Variants in GATAD2B observed in about 807,000 individuals in gnomAD.
GATAD2B encodes the protein transcriptional repressor p66-beta.
Under a neutral mutation model 64.3 loss-of-function variants are expected in GATAD2B, and 8 were observed. The ratio of observed to expected loss-of-function variants is 0.12; its 90% CI spans 0.07 to 0.22. The LOEUF is 0.22. GATAD2B is among the 10% of genes least tolerant of loss of function. The probability of loss-of-function intolerance (pLI) is 1.00; values close to 1 mark genes in which losing one functional copy is unlikely to be tolerated. For synonymous variants in GATAD2B, 281 were observed against 271.3 expected (o/e 1.04, Z -0.35); for missense variants, 453 against 752.0 (o/e 0.60, Z 4.65).
chr1:153,843,603 A>G (rs1225018942), intron 1 of GATAD2B, among the ~76,000 whole-genome samples: 2 of 152,114 alleles, frequency 1.3e-5, no homozygotes, highest in Non-Finnish European at 2.9e-5. Context: ...AAATTTGTCC[A>G]AGTAACTGCA....
chr1:153,851,326 T>G (rs1169281334), intron 1 of GATAD2B, among the ~76,000 whole-genome samples: 1 of 152,236 alleles, frequency 6.6e-6, no homozygotes, highest in Non-Finnish European at 1.5e-5. Flanking sequence ...CTAGACCATC[T>G]GGTAGTTCTA....
chr1:153,909,559 T>C (rs956400429), intron 1 of GATAD2B, among the ~76,000 whole-genome samples: 2 of 151,728 alleles, frequency 1.3e-5, no homozygotes, highest in African/African-American at 4.8e-5. Flanking sequence ...CACAGCACTT[T>C]GGGAAGCCAC....
intron 2 of GATAD2B, among the ~76,000 whole-genome samples, chr1:153,822,824 G>GT (rs560620593): frequency 6.6e-5 from 10 of 152,036 alleles, no homozygotes; most frequent in African/African-American, 2.4e-4. Context: ...TTTTTCTTTT[G>GT]TTTTTTGAGA....
At chr1:153,884,614 CA>C (rs1231730019) in intron 1 of GATAD2B, among the ~76,000 whole-genome samples, 1 of 151,796 alleles carries the variant, frequency 6.6e-6, no homozygotes, top group Non-Finnish European at 1.5e-5. Context: ...AAAACAAAAA[CA>C]AAAAAACTTC....
At chr1:153,829,972 T>A (rs1301786099) in intron 1 of GATAD2B, among the ~76,000 whole-genome samples, 1 of 151,794 alleles carries the variant, frequency 6.6e-6, no homozygotes, top group Non-Finnish European at 1.5e-5. Context: ...GGAGCTTTCA[T>A]GTAGTCCCAG....
chr1:153,887,522 C>T (rs1677220913), intron 1 of GATAD2B, among the ~76,000 whole-genome samples: 1 of 152,164 alleles, frequency 6.6e-6, no homozygotes, highest in Non-Finnish European at 1.5e-5. Context: ...TAGTTCTTAA[C>T]ACAGACACAA....
intron 1 of GATAD2B, among the ~76,000 whole-genome samples, chr1:153,839,776 CCTGA>C (rs766245576): frequency 1.8e-4 from 28 of 152,120 alleles, no homozygotes; most frequent in African/African-American, 6.0e-4. Flanking sequence ...TTGAAACCAG[CCTGA>C]CTAACATGGT....
intron 1 of GATAD2B, among the ~76,000 whole-genome samples, chr1:153,869,862 C>T (rs1676603329): frequency 6.6e-6 from 1 of 152,254 alleles, no homozygotes; most frequent in South Asian, 2.1e-4. Context: ...TGTGGTGACT[C>T]ACACCTATAA....
intron 1 of GATAD2B, among the ~76,000 whole-genome samples, chr1:153,840,466 T>C (rs955689422): frequency 6.6e-6 from 1 of 151,914 alleles, no homozygotes; most frequent in African/African-American, 2.4e-5. Flanking sequence ...GCCTCCCGAG[T>C]AGCTAGGATT....
intron 2 of GATAD2B, among the ~76,000 whole-genome samples, chr1:153,820,732 C>T (rs752350071): frequency 7.9e-5 from 12 of 151,898 alleles, no homozygotes; most frequent in Non-Finnish European, 1.3e-4. Context: ...TGAGCTCAAG[C>T]GATCCTCCCA....
intron 10 of GATAD2B, among the ~76,000 whole-genome samples, chr1:153,810,582 G>A (rs1557777522): frequency 6.6e-6 from 1 of 152,016 alleles, no homozygotes; most frequent in Non-Finnish European, 1.5e-5. Flanking sequence ...AGCCTCCAGA[G>A]TAGCTGGAAT....
chr1:153,876,489 TGAAA>T (rs1485077687), intron 1 of GATAD2B, among the ~76,000 whole-genome samples: 1 of 152,122 alleles, frequency 6.6e-6, no homozygotes, highest in Non-Finnish European at 1.5e-5. Flanking sequence ...CTCACATTCT[TGAAA>T]GAAAGAGCCT....
rs556364938 is a variant in GATAD2B at position 153,866,861 on chromosome 1, A to T, written c.-1-38513T>A. On this transcript the variant is annotated intron_variant, in intron 1 of 10. Coordinates refer to ENST00000368655, the MANE Select transcript of GATAD2B (RefSeq NM_020699.4). The stretch of plus-strand genomic sequence containing the variant: ...CAGTGGCACAATCTCAGCCACTGCA[A>T]TCTCCGCCTCCCGGGTTCAATAGAT... 3.3e-5 allele frequency among the ~76,000 whole-genome samples: 5 copies of T among 152,244 alleles called. No homozygotes were observed. The South Asian group carries it at 1.0e-3, about 32-fold the overall frequency.
At chr1:153,909,840 T>C (rs899673433) in intron 1 of GATAD2B, among the ~76,000 whole-genome samples, 133 of 149,266 alleles carry the variant, frequency 8.9e-4, no homozygotes, top group Non-Finnish European at 1.6e-3. Context: ...CCCAGTTACT[T>C]GGGAGGCTGA....
intron 1 of GATAD2B, among the ~76,000 whole-genome samples, chr1:153,875,245 A>G (rs1009316617): frequency 6.6e-6 from 1 of 152,084 alleles, no homozygotes; most frequent in Non-Finnish European, 1.5e-5. Flanking sequence ...TCTAGGAAAA[A>G]AAGACTCTTG....
intron 1 of GATAD2B, among the ~76,000 whole-genome samples, chr1:153,856,658 C>T (rs913635557): frequency 5.3e-5 from 8 of 151,884 alleles, no homozygotes; most frequent in African/African-American, 1.9e-4. Context: ...ACCTGTAATC[C>T]CAGCACTTTG....
rs1303380139 is a variant in GATAD2B at position 153,818,649 on chromosome 1, A to C, written c.597+142T>G. 4.3e-6 allele frequency: 3 copies of C among 705,510 alleles called. No individual in the cohort carries two copies. The Admixed American group carries it at 8.3e-5, about 20-fold the overall frequency. 43.7% of individuals were successfully genotyped at this position (705,510 alleles called of 1,614,324 possible). A position where few individuals can be genotyped will look rare whatever the true frequency, so the allele number is the denominator to read the frequency against. On this transcript the variant is annotated intron_variant, in intron 4 of 10. Transcript: ENST00000368655. ...GTTTTCTTAAGGCCTAAGATTAAAA[A>C]AAAAATCACTACTACTACAGACTAA...
intron 1 of GATAD2B, among the ~76,000 whole-genome samples, chr1:153,883,080 AAT>A (rs1190329450): frequency 2.0e-5 from 3 of 152,138 alleles, no homozygotes; most frequent in Non-Finnish European, 2.9e-5. Flanking sequence ...ATCTCCCATG[AAT>A]ATGTCATTCC....
At chr1:153,863,929 A>T (rs1032469679) in intron 1 of GATAD2B, among the ~76,000 whole-genome samples, 4 of 152,088 alleles carry the variant, frequency 2.6e-5, no homozygotes, top group Admixed American at 2.6e-4. Flanking sequence ...CCGGCCTAAA[A>T]ATCCTGTTTT....
Sources: allele counts gnomAD v4.1 joint callset (sites outside exome capture counted in the v4.1 genomes callset), GRCh38; gene constraint gnomAD v4.1.1; transcripts MANE v1.5; gene names NCBI Gene and HGNC (gene_info 2026-07-23, HGNC 2026-07-21).